Variants in NACC2 observed in about 807,000 individuals in gnomAD.
NACC2 encodes the protein NACC family member 2, also known as nucleus accumbens-associated protein 2.
Under a neutral mutation model 25.1 loss-of-function variants are expected in NACC2, and 8 were observed. That is an observed-to-expected ratio of 0.32 (90% confidence interval 0.19 to 0.57). The LOEUF (loss-of-function observed/expected upper bound fraction) is 0.57, where lower values mean the gene tolerates loss of function less well. Ranked by LOEUF, NACC2 falls within the 20% of genes least tolerant of loss-of-function variation. NACC2 has a pLI of 0.89. For synonymous variants in NACC2, 435 were observed against 294.7 expected (o/e 1.48, Z -4.88); for missense variants, 644 against 650.2 (o/e 0.99, Z 0.10).
rs1168618256 is a variant in NACC2 at position 136,084,677 on chromosome 9, T to A, written c.-60+10512A>T. On this transcript the variant is annotated intron_variant, in intron 1 of 5. Coordinates refer to ENST00000277554, the MANE Select transcript of NACC2 (RefSeq NM_144653.5). The surrounding 1 kb of genome is among the most constrained non-coding windows in gnomAD (Gnocchi z 5.1). Reference sequence around the variant, plus strand: ...CAGCACCAGACAGCCAAGAGGCAAGTGGCCCCAGGGTCCGCCAATGGGTGA... The same window carrying A: ...CAGCACCAGACAGCCAAGAGGCAAGAGGCCCCAGGGTCCGCCAATGGGTGA... Among the ~76,000 whole-genome samples the A allele has an allele frequency of 6.6e-6, 1 of 152,186 alleles. No homozygotes were observed. The highest frequency in any genetic ancestry group is 1.5e-5 in the Non-Finnish European group (1 of 68,034).
At chr9:136,038,009 C>G (rs1022170433) in intron 2 of NACC2, among the ~76,000 whole-genome samples, 5 of 152,168 alleles carry the variant, frequency 3.3e-5, no homozygotes, top group Non-Finnish European at 7.3e-5. Context: ...ACTACTTACT[C>G]AGCAACAAAA....
chr9:136,083,215 T>C (rs1830342140), intron 1 of NACC2, among the ~76,000 whole-genome samples: 1 of 152,136 alleles, frequency 6.6e-6, no homozygotes, highest in Admixed American at 6.5e-5. Flanking sequence ...TCAGGGGAGC[T>C]GGTGGGGGTC....
At chr9:136,012,626 C>G (rs1199946752) in intron 5 of NACC2, among the ~76,000 whole-genome samples, 1 of 150,600 alleles carries the variant, frequency 6.6e-6, no homozygotes, top group Non-Finnish European at 1.5e-5. Flanking sequence ...CCCCTTTTTG[C>G]TCTAAAACAG....
chr9:136,091,706 G>C (rs535242221), intron 1 of NACC2, among the ~76,000 whole-genome samples: 1 of 152,278 alleles, frequency 6.6e-6, no homozygotes, highest in East Asian at 1.9e-4. Context: ...AGCTGAGGGA[G>C]CTAGGGCTCC....
At chr9:136,024,503 ATGTGTGTGTGTGTGTG>A (rs139555936) in intron 2 of NACC2, among the ~76,000 whole-genome samples, 7 of 124,664 alleles carry the variant, frequency 5.6e-5, no homozygotes, top group African/African-American at 2.2e-4. Context: ...TGAGGACAGA[ATGTGTGTGTGTGTGTG>A]TGTGTGTGTG....
chr9:136,055,268 A>AC lies in NACC2; in HGVS notation c.-59-4689dup, dbSNP rs1445069846. Among the ~76,000 whole-genome samples the AC allele has an allele frequency of 6.6e-6, 1 of 151,380 alleles. No homozygotes were observed. Among genetic ancestry groups the AC allele is most frequent in the Non-Finnish European group, 1.5e-5 (1 of 67,836 alleles). ...GGGTTGGGGCAGCGTCTCCAGAACG[A>AC]CCCCCCTGCCTGAGTGTCGTCCCGG... On this transcript the variant is annotated intron_variant, in intron 1 of 5. Transcript: ENST00000277554. The surrounding 1 kb of genome is among the most constrained non-coding windows in gnomAD (Gnocchi z 4.9).
rs1000983725 is a variant in NACC2 at position 136,039,483 on chromosome 9, G to A, written c.886+10153C>T. ...AAAACAAAGGAGAAGGGAACATAAAGCCAGCATAATGTGGATACCAAAACC... is the reference window on the plus strand; with the variant it reads ...AAAACAAAGGAGAAGGGAACATAAAACCAGCATAATGTGGATACCAAAACC... On this transcript the variant is annotated intron_variant, in intron 2 of 5. Coordinates refer to ENST00000277554, the MANE Select transcript of NACC2 (RefSeq NM_144653.5). 7.5e-3 allele frequency among the ~76,000 whole-genome samples: 1,141 copies of A among 152,282 alleles called. 14 individuals are homozygous for A. Among genetic ancestry groups the A allele is most frequent in the African/African-American group, 0.026 (1,072 of 41,548 alleles).
At chr9:136,066,565 G>A (rs1480061041) in intron 1 of NACC2, among the ~76,000 whole-genome samples, 1 of 152,178 alleles carries the variant, frequency 6.6e-6, no homozygotes. Context: ...GCCACTTATG[G>A]AAAACAGTCT....
intron 2 of NACC2, among the ~76,000 whole-genome samples, chr9:136,037,403 G>A (rs1330347972): frequency 4.6e-5 from 7 of 151,020 alleles, no homozygotes; most frequent in Non-Finnish European, 1.0e-4. Context: ...GTATTCCATT[G>A]TATGGCCATA....
chr9:136,076,928 C>T (rs1422735501), intron 1 of NACC2, among the ~76,000 whole-genome samples: 1 of 150,974 alleles, frequency 6.6e-6, no homozygotes, highest in Non-Finnish European at 1.5e-5. Flanking sequence ...ATGGCGTGAA[C>T]CCAGGAGGCA....
chr9:136,094,866 C>G (rs1830472414), intron 1 of NACC2, among the ~76,000 whole-genome samples: 1 of 151,316 alleles, frequency 6.6e-6, no homozygotes, highest in Admixed American at 6.6e-5. Context: ...CAGCAGGCGG[C>G]GGGGAGCGCC....
At chr9:136,075,144 A>G (rs1183397976) in intron 1 of NACC2, among the ~76,000 whole-genome samples, 2 of 152,230 alleles carry the variant, frequency 1.3e-5, no homozygotes, top group Non-Finnish European at 2.9e-5. Flanking sequence ...CAGGCCAGGA[A>G]GTGGGGAGCC....
At chr9:136,072,836 G>C (rs1218304319) in intron 1 of NACC2, among the ~76,000 whole-genome samples, 1 of 148,040 alleles carries the variant, frequency 6.8e-6, no homozygotes, top group Non-Finnish European at 1.5e-5. Flanking sequence ...GGCAACAAGA[G>C]TGAAACTCCG....
intron 2 of NACC2, among the ~76,000 whole-genome samples, chr9:136,044,891 C>A (rs988819434): frequency 6.6e-6 from 1 of 152,198 alleles, no homozygotes; most frequent in Non-Finnish European, 1.5e-5. Context: ...GGGAGCACCC[C>A]ACCCAAGCCT....
chr9:136,013,106 C>A lies in NACC2; in HGVS notation c.1255+93G>T. The A allele has an allele frequency of 9.1e-7, 1 of 1,094,114 alleles. No individual in the cohort carries two copies. The highest frequency in any genetic ancestry group is 1.5e-5 in the South Asian group (1 of 66,858). The allele number at this position is 1,094,114 out of a possible 1,614,324, so 67.8% of individuals were successfully genotyped here. On this transcript the variant is annotated intron_variant, in intron 5 of 5. Coordinates refer to ENST00000277554, the MANE Select transcript of NACC2 (RefSeq NM_144653.5). The surrounding 1 kb of genome is among the most constrained non-coding windows in gnomAD (Gnocchi z 6.6). Reference sequence around the variant, plus strand: ...CCCAGGGACGGAAGCTGCAGGTGGCCGGGAGCACCCCCGCGGCCCACCCAG... The same window carrying A: ...CCCAGGGACGGAAGCTGCAGGTGGCAGGGAGCACCCCCGCGGCCCACCCAG...
chr9:136,040,568 T>C (rs1187251380), intron 2 of NACC2, among the ~76,000 whole-genome samples: 3 of 152,048 alleles, frequency 2.0e-5, no homozygotes, highest in African/African-American at 4.8e-5. Flanking sequence ...ACAGCCGCAT[T>C]ATTCAAAATA....
chr9:136,050,669 G>T (rs1840816267), intron 1 of NACC2, 89 bp from the exon 2 acceptor site: 2 of 648,194 alleles, frequency 3.1e-6, no homozygotes, highest in Middle Eastern at 4.0e-4. Flanking sequence ...TCCCCCGCCG[G>T]GGGCTTACAA....
In NACC2 at chr9:136,007,993, G is replaced by A. The variant is rs1013314247; in HGVS notation, c.*3523C>T. 2 of 152,226 alleles carry A rather than the reference G, an allele frequency of 1.3e-5. No individual in the cohort carries two copies. Among genetic ancestry groups the A allele is most frequent in the Non-Finnish European group, 2.9e-5 (2 of 68,072 alleles). The allele number at this position is 152,226 out of a possible 1,614,324, so 9.4% of individuals were successfully genotyped here. Reference sequence around the variant, plus strand: ...ATGCCAAAGAATGACTCTTCCTGGAGGAGAAAGGAGGCCAGGCAGCCGGCT... The same window carrying A: ...ATGCCAAAGAATGACTCTTCCTGGAAGAGAAAGGAGGCCAGGCAGCCGGCT... On this transcript the variant is annotated 3_prime_UTR_variant, in exon 6 of 6. Coordinates refer to ENST00000277554, the MANE Select transcript of NACC2 (RefSeq NM_144653.5).
At chr9:136,081,053 A>C (rs974296700) in intron 1 of NACC2, among the ~76,000 whole-genome samples, 6 of 152,118 alleles carry the variant, frequency 3.9e-5, no homozygotes, top group Non-Finnish European at 8.8e-5. Context: ...CCACGGGCCC[A>C]GGGTCACGGA....
Sources: allele counts gnomAD v4.1 joint callset (sites outside exome capture counted in the v4.1 genomes callset), GRCh38; gene constraint gnomAD v4.1.1; non-coding constraint Gnocchi (gnomAD v3.1); transcripts MANE v1.5; gene names NCBI Gene and HGNC (gene_info 2026-07-23, HGNC 2026-07-21).